Variants in CA10 observed in about 807,000 individuals in gnomAD.
CA10 encodes the protein carbonic anhydrase-related protein 10.
CA10 carries 14 observed loss-of-function variants against 44.2 expected under a neutral mutation model. The ratio of observed to expected loss-of-function variants is 0.32; its 90% CI spans 0.21 to 0.50. The LOEUF (loss-of-function observed/expected upper bound fraction) is 0.50. CA10 is among the 20% of genes least tolerant of loss of function. The pLI is 0.99. For missense variants in CA10, 350 were observed against 409.7 expected, an observed-to-expected ratio of 0.85 and a Z score of 1.26; for synonymous variants, 159 against 141.6, an observed-to-expected ratio of 1.12 and a Z score of -0.87.
intron 2 of CA10, among the ~76,000 whole-genome samples, chr17:51,979,843 A>G (rs957671119): frequency 2.0e-5 from 3 of 152,146 alleles, no homozygotes; most frequent in African/African-American, 7.2e-5. Context: ...CGATCCTGCA[A>G]AAGACACGGT....
chr17:51,910,020 C>T (rs1015695302), intron 3 of CA10, among the ~76,000 whole-genome samples: 3 of 152,092 alleles, frequency 2.0e-5, no homozygotes, highest in African/African-American at 7.2e-5. Flanking sequence ...ATCTGCTCCT[C>T]CTCTTATCGT....
At chr17:51,878,050 A>G (rs933096695) in intron 3 of CA10, among the ~76,000 whole-genome samples, 2 of 147,378 alleles carry the variant, frequency 1.4e-5, no homozygotes, top group Admixed American at 6.9e-5. Flanking sequence ...AGGCTGAGGC[A>G]GGAGAATTGC....
chr17:51,757,633 T>G (rs965542353), intron 3 of CA10, among the ~76,000 whole-genome samples: 1 of 152,236 alleles, frequency 6.6e-6, no homozygotes, highest in African/African-American at 2.4e-5. Context: ...AGTACTATAA[T>G]AAGTGTGTGT....
At chr17:51,797,682 C>G (rs989884353) in intron 3 of CA10, among the ~76,000 whole-genome samples, 2 of 151,884 alleles carry the variant, frequency 1.3e-5, no homozygotes, top group African/African-American at 4.8e-5. Context: ...GGTGAAACCC[C>G]ATCTCTATTA....
At chr17:51,821,325 G>A (rs1399625851) in intron 3 of CA10, among the ~76,000 whole-genome samples, 1 of 151,668 alleles carries the variant, frequency 6.6e-6, no homozygotes, top group Non-Finnish European at 1.5e-5. Context: ...ATGGACAGGT[G>A]GAAAGAGGGA....
At chr17:51,951,191 A>C (rs1983467797) in intron 2 of CA10, among the ~76,000 whole-genome samples, 1 of 152,192 alleles carries the variant, frequency 6.6e-6, no homozygotes, top group African/African-American at 2.4e-5. Flanking sequence ...CAAGATTCTC[A>C]TAATGAAAGC....
chr17:51,645,523 T>C (rs1232643010), intron 6 of CA10, among the ~76,000 whole-genome samples: 2 of 152,230 alleles, frequency 1.3e-5, no homozygotes, highest in Non-Finnish European at 2.9e-5. Flanking sequence ...ACTGCCAAAG[T>C]TCCCATCAGT....
intron 1 of CA10, among the ~76,000 whole-genome samples, chr17:52,131,174 AC>A (rs1227468267): frequency 2.5e-5 from 3 of 119,490 alleles, no homozygotes; most frequent in African/African-American, 8.8e-5. Flanking sequence ...CTTTAAAAAA[AC>A]AAATAAATGG....
intron 4 of CA10, among the ~76,000 whole-genome samples, chr17:51,699,381 T>C (rs1915512795): frequency 6.6e-6 from 1 of 151,822 alleles, no homozygotes; most frequent in South Asian, 2.1e-4. Context: ...GGTTGCTGGA[T>C]AGTAAGGTGG....
At chr17:51,878,143 C>CAAAAAAAAAAAAAAAA (rs558014863) in intron 3 of CA10, among the ~76,000 whole-genome samples, 1 of 63,686 alleles carries the variant, frequency 1.6e-5, no homozygotes, top group Non-Finnish European at 2.7e-5. Flanking sequence ...GACTCCGTCT[C>CAAAAAAAAAAAAAAAA]AAAAAAAAAA....
intron 2 of CA10, among the ~76,000 whole-genome samples, chr17:51,971,393 T>C (rs540149676): frequency 2.6e-5 from 4 of 152,210 alleles, no homozygotes; most frequent in Non-Finnish European, 5.9e-5. Flanking sequence ...AGTCTGTCCT[T>C]GGGCATGATA....
chr17:51,671,322 A>G (rs912046230), intron 4 of CA10, among the ~76,000 whole-genome samples: 26 of 151,934 alleles, frequency 1.7e-4, no homozygotes, highest in African/African-American at 6.3e-4. Context: ...CTCCTCCTTT[A>G]CAACATACAC....
At chr17:51,690,747 C>A (rs1915168755) in intron 4 of CA10, among the ~76,000 whole-genome samples, 1 of 152,158 alleles carries the variant, frequency 6.6e-6, no homozygotes, top group South Asian at 2.1e-4. Context: ...TATTAAACCT[C>A]TTTTTCTTTA....
chr17:51,912,454 A>G (rs150602406), intron 3 of CA10, among the ~76,000 whole-genome samples: 2 of 152,174 alleles, frequency 1.3e-5, no homozygotes, highest in East Asian at 1.9e-4. Context: ...ACTGTGCTCC[A>G]TATGGTGCAG....
intron 1 of CA10, among the ~76,000 whole-genome samples, chr17:52,098,986 C>T (rs142926959): frequency 6.6e-6 from 1 of 152,102 alleles, no homozygotes; most frequent in Non-Finnish European, 1.5e-5. Context: ...AGATGTGCTC[C>T]AAAAATACAT....
intron 2 of CA10, among the ~76,000 whole-genome samples, chr17:51,985,146 A>G (rs1434860669): frequency 1.3e-5 from 2 of 152,108 alleles, no homozygotes; most frequent in South Asian, 2.1e-4. Flanking sequence ...ATCCAACAAC[A>G]TATCAAAAAA....
chr17:51,999,128 A>G (rs1985336725), intron 2 of CA10, among the ~76,000 whole-genome samples: 1 of 152,086 alleles, frequency 6.6e-6, no homozygotes, highest in South Asian at 2.1e-4. Context: ...ACATCAAGAA[A>G]AAGAAGATAG....
chr17:51,640,094 T>G (rs903161251), intron 6 of CA10, among the ~76,000 whole-genome samples: 1 of 152,184 alleles, frequency 6.6e-6, no homozygotes, highest in Non-Finnish European at 1.5e-5. Flanking sequence ...ATTTGCCTAT[T>G]TGACTGTCCC....
At chr17:52,084,703 C>A (rs1361189913) in intron 1 of CA10, among the ~76,000 whole-genome samples, 1 of 152,170 alleles carries the variant, frequency 6.6e-6, no homozygotes, top group African/African-American at 2.4e-5. Context: ...TCACAACTGT[C>A]TTCTGCCCCT....
Sources: gnomAD v4.1 joint callset for allele counts (sites outside exome capture counted in the v4.1 genomes callset) on GRCh38, gnomAD v4.1.1 for gene constraint, MANE v1.5 for transcripts, NCBI Gene and HGNC (gene_info 2026-07-23, HGNC 2026-07-21) for gene names.